Variants in SIMC1 observed in about 807,000 individuals in gnomAD.
The protein encoded by SIMC1 is SUMO-interacting motif-containing protein 1.
Under a neutral mutation model 82.3 loss-of-function variants are expected in SIMC1, and 55 were observed. The observed-to-expected ratio is 0.67, with a 90% CI of 0.54 to 0.84. SIMC1 has a LOEUF of 0.84. SIMC1 is among the 40% of genes least tolerant of loss of function. The pLI, the probability that SIMC1 is intolerant of heterozygous loss-of-function variation, is 0.00. For missense variants in SIMC1, 915 were observed against 1,107.2 expected, an observed-to-expected ratio of 0.83 and a Z score of 2.46; for synonymous variants, 353 against 426.3, an observed-to-expected ratio of 0.83 and a Z score of 2.12.
intron 4 of SIMC1, among the ~76,000 whole-genome samples, chr5:176,302,147 A>T (rs1467753861): frequency 6.6e-6 from 1 of 151,728 alleles, no homozygotes; most frequent in Non-Finnish European, 1.5e-5. Flanking sequence ...GTGTAGATGT[A>T]AATTTTTTTT....
At chr5:176,275,642 G>A (rs545590636) in intron 1 of SIMC1, among the ~76,000 whole-genome samples, 54 of 151,828 alleles carry the variant, frequency 3.6e-4, no homozygotes, top group Non-Finnish European at 3.4e-4. Flanking sequence ...TTTGAGATAC[G>A]TCCCATCAAC....
At chr5:176,331,652 AACAG>A (rs1271355075) in intron 7 of SIMC1, among the ~76,000 whole-genome samples, 1 of 151,590 alleles carries the variant, frequency 6.6e-6, no homozygotes, top group African/African-American at 2.4e-5. Context: ...TTCAAAGAAA[AACAG>A]ACAGACAGAT....
intron 1 of SIMC1, among the ~76,000 whole-genome samples, chr5:176,276,417 A>C (rs1581241623): frequency 6.6e-6 from 1 of 151,002 alleles, no homozygotes; most frequent in Admixed American, 6.6e-5. Flanking sequence ...TCCTTTCAAA[A>C]AACCAGATCC....
At chr5:176,317,081 A>T (rs1017817414) in intron 5 of SIMC1, among the ~76,000 whole-genome samples, 3 of 152,194 alleles carry the variant, frequency 2.0e-5, no homozygotes, top group Admixed American at 2.0e-4. Flanking sequence ...TCAATGAAAA[A>T]AATCATTTGT....
chr5:176,320,483 C>T (rs1765113711), intron 5 of SIMC1, among the ~76,000 whole-genome samples: 1 of 152,090 alleles, frequency 6.6e-6, no homozygotes, highest in African/African-American at 2.4e-5. Flanking sequence ...ATCCTCCCAC[C>T]TCAGCCTCTT....
intron 5 of SIMC1, 46 bp from the exon 6 acceptor site, chr5:176,322,227 A>C (rs1315172921): frequency 4.6e-6 from 7 of 1,507,870 alleles, no homozygotes; most frequent in Non-Finnish European, 6.2e-6. Flanking sequence ...TTTTTTCTGC[A>C]CAGAAAAAGA....
At chr5:176,245,182 A>C (rs1411330159) in intron 1 of SIMC1, among the ~76,000 whole-genome samples, 1 of 152,226 alleles carries the variant, frequency 6.6e-6, no homozygotes, top group African/African-American at 2.4e-5. Context: ...AGTGAAGATG[A>C]GGTTGTGCCG....
intron 1 of SIMC1, among the ~76,000 whole-genome samples, chr5:176,265,263 A>G (rs1423310834): frequency 1.1e-5 from 1 of 90,120 alleles, no homozygotes; most frequent in Non-Finnish European, 2.4e-5. Flanking sequence ...AGGACTCTCC[A>G]CTTCAAACAA....
intron 1 of SIMC1, among the ~76,000 whole-genome samples, chr5:176,245,173 G>C (rs1761396587): frequency 6.6e-6 from 1 of 152,236 alleles, no homozygotes; most frequent in South Asian, 2.1e-4. Flanking sequence ...GATATAATCA[G>C]TGAAGATGAG....
At chr5:176,242,259 A>G (rs1761300253) in intron 1 of SIMC1, among the ~76,000 whole-genome samples, 1 of 152,012 alleles carries the variant, frequency 6.6e-6, no homozygotes, top group South Asian at 2.1e-4. Flanking sequence ...CAGTTGTGAT[A>G]CAAATTAAAA....
intron 4 of SIMC1, chr5:176,304,208 C>CGG (rs1245505884): frequency 8.0e-6 from 1 of 125,734 alleles, no homozygotes; most frequent in Non-Finnish European, 1.7e-5. Context: ...ATATAAAGAA[C>CGG]TCCAGCTCCC....
intron 9 of SIMC1, among the ~76,000 whole-genome samples, chr5:176,344,022 C>T (rs1227981012): frequency 6.6e-6 from 1 of 152,100 alleles, no homozygotes; most frequent in Non-Finnish European, 1.5e-5. Context: ...GTCTCAAACT[C>T]CTGACCTCAG....
intron 4 of SIMC1, among the ~76,000 whole-genome samples, chr5:176,303,564 C>T (rs1764136289): frequency 6.6e-6 from 1 of 152,082 alleles, no homozygotes; most frequent in Non-Finnish European, 1.5e-5. Context: ...AGATGATCCG[C>T]CCGCCTCGGC....
At chr5:176,300,998 A>T (rs1157174620) in intron 4 of SIMC1, among the ~76,000 whole-genome samples, 2 of 152,186 alleles carry the variant, frequency 1.3e-5, no homozygotes, top group Admixed American at 1.3e-4. Context: ...TTCACTAGTA[A>T]ATTTGGCCAA....
intron 7 of SIMC1, among the ~76,000 whole-genome samples, chr5:176,332,778 T>C (rs1480586789): frequency 6.6e-6 from 1 of 152,146 alleles, no homozygotes; most frequent in Non-Finnish European, 1.5e-5. Context: ...ACCCAGATAA[T>C]CTTTTTCCAA....
intron 7 of SIMC1, among the ~76,000 whole-genome samples, chr5:176,335,136 T>A (rs548322502): frequency 3.9e-5 from 6 of 152,048 alleles, no homozygotes; most frequent in African/African-American, 1.2e-4. Flanking sequence ...CACAGTCCTT[T>A]GTAGTAAGTT....
rs1395818714 is a variant in SIMC1, at chr5:176,290,398, C to T, written c.874C>T (p.Leu292=). The T allele has an allele frequency of 1.2e-6, 2 of 1,613,882 alleles. No homozygotes were observed. The highest frequency in any genetic ancestry group is 1.7e-6 in the Non-Finnish European group (2 of 1,179,880). Residue 292 remains leucine (L), a synonymous_variant, in exon 2 of 10, where the codon CTG becomes TTG. Transcript: ENST00000429602. ...SLGLPQDVPG[L]PQSILHPQDV... ...GGGCCTACCTCAAGATGTGCCAGGG[C>T]TGCCTCAAAGCATATTACATCCACA...
At chr5:176,307,957 T>G (rs1764498922) in intron 4 of SIMC1, 2 of 591,030 alleles carry the variant, frequency 3.4e-6, no homozygotes, top group African/African-American at 3.7e-5. Context: ...AGCAGTGTTA[T>G]ACATAATAGC....
At position 176,304,600 on chromosome 5, in the gene SIMC1, G is replaced by A. The variant is rs1323917705; in HGVS notation, c.1734+8280G>A. The stretch of plus-strand genomic sequence containing the variant: ...AGTGCCGAGATTGCAGCCTCTGCCC[G>A]GCCGCCACCCCGTCTGGGAAGTGAG... On this transcript the variant is annotated intron_variant, in intron 4 of 9. Coordinates refer to ENST00000429602, the MANE Select transcript of SIMC1 (RefSeq NM_001308195.2). Among the ~76,000 whole-genome samples, 384 of 147,880 alleles carry A rather than the reference G, an allele frequency of 2.6e-3. 1 individual carries two copies. Among genetic ancestry groups the A allele is most frequent in the South Asian group, 0.011 (51 of 4,530 alleles).
Sources: gnomAD v4.1 joint callset for allele counts (sites outside exome capture counted in the v4.1 genomes callset) on GRCh38, gnomAD v4.1.1 for gene constraint, MANE v1.5 for transcripts, NCBI Gene and HGNC (gene_info 2026-07-23, HGNC 2026-07-21) for gene names.